The following PTPN13 variants were observed in gnomAD, a reference collection of about 807,000 sequenced individuals.
PTPN13 encodes the protein protein tyrosine phosphatase non-receptor type 13.
Under a neutral mutation model 284.0 loss-of-function variants are expected in PTPN13, and 191 were observed. The ratio of observed to expected loss-of-function variants is 0.67; its 90% CI spans 0.60 to 0.76. The LOEUF is 0.76. Ranked by LOEUF, PTPN13 falls within the 30% of genes least tolerant of loss-of-function variation. The probability of loss-of-function intolerance (pLI) is 0.00; values close to 1 mark genes in which losing one functional copy is unlikely to be tolerated. For missense variants in PTPN13, 2,797 were observed against 2,939.9 expected, an observed-to-expected ratio of 0.95 and a Z score of 1.12; for synonymous variants, 986 against 1,022.3, an observed-to-expected ratio of 0.96 and a Z score of 0.68.
At chr4:86,763,260 G>A (rs1738913699) in intron 24 of PTPN13, 70 bp downstream of exon 24, 1 of 1,259,102 alleles carries the variant, frequency 7.9e-7, no homozygotes, top group East Asian at 2.3e-5. Context: ...AAGTTACAGA[G>A]CACAATAATC....
At chr4:86,657,635 C>T (rs1326551422) in intron 2 of PTPN13, among the ~76,000 whole-genome samples, 2 of 152,200 alleles carry the variant, frequency 1.3e-5, no homozygotes, top group Admixed American at 1.3e-4. Context: ...CTGGTAGCCA[C>T]TACCGCCTAG....
intron 20 of PTPN13, among the ~76,000 whole-genome samples, chr4:86,758,021 C>T (rs1275257677): frequency 6.6e-6 from 1 of 151,976 alleles, no homozygotes; most frequent in Non-Finnish European, 1.5e-5. Flanking sequence ...TCATTTGTAA[C>T]TGAAATATAC....
chr4:86,676,092 C>T (rs1728246634), intron 3 of PTPN13, among the ~76,000 whole-genome samples: 1 of 152,124 alleles, frequency 6.6e-6, no homozygotes, highest in African/African-American at 2.4e-5. Flanking sequence ...CAAAAAACAA[C>T]GAAATGCCCT....
rs1301305221 is a variant in PTPN13, at chr4:86,774,309, A to G, written c.5350-64A>G. On this transcript the variant is annotated intron_variant, in intron 32 of 47. Transcript: ENST00000411767. ...TCCTCTGTTAAGGGAAATGATAGTCATCTTTCTGTTTGTCTATAGTGCAGA... is the reference window on the plus strand; with the variant it reads ...TCCTCTGTTAAGGGAAATGATAGTCGTCTTTCTGTTTGTCTATAGTGCAGA... 10 of 1,440,984 alleles carry G rather than the reference A, an allele frequency of 6.9e-6. No individual in the cohort carries two copies. The East Asian group carries it at 2.2e-4, about 31-fold the overall frequency. The allele number at this position is 1,440,984 out of a possible 1,614,324, so 89.3% of individuals were successfully genotyped here. A position where few individuals can be genotyped will look rare whatever the true frequency, so the allele number is the denominator to read the frequency against.
In PTPN13 at chr4:86,727,671, G is replaced by A. The variant is rs190280851; in HGVS notation, c.1609-4729G>A. Among the ~76,000 whole-genome samples, 64 of 148,954 alleles carry A rather than the reference G, an allele frequency of 4.3e-4. 3 individuals carry two copies. Among genetic ancestry groups the A allele is most frequent in the Middle Eastern group, 6.9e-3 (2 of 288 alleles). On this transcript the variant is annotated intron_variant, in intron 10 of 47. Transcript: ENST00000411767. ...GATCGATGTTGATATCCCCTTTATC[G>A]TTTTTTATTGTGTCTATTTGATTCT...
At chr4:86,630,304 T>C (rs1337672452) in intron 1 of PTPN13, among the ~76,000 whole-genome samples, 1 of 152,174 alleles carries the variant, frequency 6.6e-6, no homozygotes, top group African/African-American at 2.4e-5. Context: ...TGAAAACTTA[T>C]ATAGTAAGAC....
chr4:86,811,181 C>T (rs890171333), intron 47 of PTPN13, 73 bp downstream of exon 47: 2 of 1,396,622 alleles, frequency 1.4e-6, no homozygotes, highest in African/African-American at 1.5e-5. Flanking sequence ...CTTATTAAAC[C>T]ATTTTTCTTT....
At chr4:86,786,448 TACAC>T (rs1296653501) in intron 40 of PTPN13, among the ~76,000 whole-genome samples, 13 of 152,184 alleles carry the variant, frequency 8.5e-5, no homozygotes, top group Non-Finnish European at 1.9e-4. Context: ...TGCTTATACT[TACAC>T]ACAATCTCAT....
At chr4:86,715,413 T>C (rs1025593451) in intron 7 of PTPN13, among the ~76,000 whole-genome samples, 4 of 152,124 alleles carry the variant, frequency 2.6e-5, no homozygotes, top group African/African-American at 9.7e-5. Flanking sequence ...GACTTCAAAA[T>C]ATAAAGAGAC....
intron 9 of PTPN13, among the ~76,000 whole-genome samples, chr4:86,721,805 C>G (rs1264212883): frequency 6.7e-6 from 1 of 149,088 alleles, no homozygotes; most frequent in Non-Finnish European, 1.5e-5. Context: ...GTAATACCAT[C>G]CCAGCTCACT....
intron 16 of PTPN13, among the ~76,000 whole-genome samples, chr4:86,744,560 A>G (rs1736518645): frequency 6.6e-6 from 1 of 152,218 alleles, no homozygotes; most frequent in African/African-American, 2.4e-5. Context: ...TTTTCAGTCA[A>G]CAACTGACCA....
At chr4:86,756,892 T>G (rs1039195976) in intron 20 of PTPN13, among the ~76,000 whole-genome samples, 13 of 152,194 alleles carry the variant, frequency 8.5e-5, no homozygotes, top group Non-Finnish European at 1.5e-4. Context: ...TGGCTTACAG[T>G]TTAGTGAAAC....
At chr4:86,615,931 G>C (rs112790204) in intron 1 of PTPN13, among the ~76,000 whole-genome samples, 2 of 152,170 alleles carry the variant, frequency 1.3e-5, no homozygotes, top group East Asian at 3.9e-4. Context: ...ACTTTAAGGA[G>C]TATTCCAGCA....
At chr4:86,682,232 A>G (rs1414792168) in intron 3 of PTPN13, among the ~76,000 whole-genome samples, 1 of 152,118 alleles carries the variant, frequency 6.6e-6, no homozygotes, top group Admixed American at 6.5e-5. Flanking sequence ...TCCTGTATAT[A>G]TGAATCATCA....
chr4:86,700,529 G>T (rs1331445413), intron 6 of PTPN13, among the ~76,000 whole-genome samples: 1 of 152,074 alleles, frequency 6.6e-6, no homozygotes, highest in Non-Finnish European at 1.5e-5. Flanking sequence ...TAAAGAATAA[G>T]AGTTGGTACT....
At position 86,701,289 on chromosome 4, in the gene PTPN13, C is replaced by G. The variant is rs778029815; in HGVS notation, c.683C>G (p.Ser228Cys). 2 of 1,607,910 alleles carry G rather than the reference C, an allele frequency of 1.2e-6. No individual in the cohort carries two copies. The highest frequency in any genetic ancestry group is 2.2e-5 in the South Asian group (2 of 89,636). The stretch of plus-strand genomic sequence containing the variant: ...CTAGACATACAAAAGCCTCCACTCT[C>G]TCATCAGACCTTTCTTAACAAAGGG... ...DVLDIQKPPL[S>C]HQTFLNKGLS... Residue 228 changes from serine to cysteine, a missense_variant, in exon 7 of 48, where the codon TCT becomes TGT. By Grantham distance (112) the Ser-to-Cys change is moderately radical. Coordinates refer to ENST00000411767, the MANE Select transcript of PTPN13 (RefSeq NM_080683.3).
At chr4:86,779,060 C>CT (rs1740983275) in intron 35 of PTPN13, among the ~76,000 whole-genome samples, 3 of 125,298 alleles carry the variant, frequency 2.4e-5, no homozygotes, top group Admixed American at 8.1e-5. Flanking sequence ...GAAAATGTTT[C>CT]TTTAAAAAAA....
At chr4:86,596,835 G>A (rs1036300656) in intron 1 of PTPN13, among the ~76,000 whole-genome samples, 5 of 152,048 alleles carry the variant, frequency 3.3e-5, no homozygotes, top group African/African-American at 4.8e-5. Flanking sequence ...TTGACAGAGG[G>A]TGTAATTTTT....
chr4:86,809,964 T>TTGCA lies in PTPN13; in HGVS notation c.7280_7281insGCAT (p.Ile2428HisfsTer7). 6.2e-7 allele frequency: 1 copy of TTGCA among 1,613,928 alleles called. No homozygotes were observed. Among genetic ancestry groups the TTGCA allele is most frequent in the Non-Finnish European group, 8.5e-7 (1 of 1,179,840 alleles). On this transcript the variant is annotated frameshift_variant, in exon 46 of 48. Transcript: ENST00000411767. LOFTEE classifies it high-confidence loss of function. ...GATTTGCATAGATGTGGTTCTGGGA[T>TTGCA]TAATCAGTCAGGATCTTGATGTGAG...
Sources: allele counts gnomAD v4.1 joint callset (sites outside exome capture counted in the v4.1 genomes callset), GRCh38; gene constraint gnomAD v4.1.1; transcripts MANE v1.5; gene names NCBI Gene and HGNC (gene_info 2026-07-23, HGNC 2026-07-21).